The following PDE8B variants were observed in gnomAD, a reference collection of about 807,000 sequenced individuals.
PDE8B encodes phosphodiesterase 8B, also known as high affinity cAMP-specific and IBMX-insensitive 3',5'-cyclic phosphodiesterase 8B.
Under a neutral mutation model 101.3 loss-of-function variants are expected in PDE8B, and 26 were observed. The ratio of observed to expected loss-of-function variants is 0.26; its 90% CI spans 0.19 to 0.36. PDE8B has a LOEUF of 0.36. Among genes scored for constraint, PDE8B ranks in the 10% least tolerant of loss-of-function variants. PDE8B has a pLI of 1.00. For synonymous variants in PDE8B, 424 were observed against 429.3 expected (o/e 0.99, Z 0.15); for missense variants, 810 against 1,163.1 (o/e 0.70, Z 4.42).
chr5:77,348,882 G>C (rs140187784), intron 7 of PDE8B, among the ~76,000 whole-genome samples: 3 of 152,136 alleles, frequency 2.0e-5, no homozygotes, highest in African/African-American at 7.2e-5. Flanking sequence ...GAGTCTAGCT[G>C]TGTTTTCCAG....
chr5:77,164,798 C>T, the PDE8B span, among the ~76,000 whole-genome samples: 1 of 152,236 alleles, frequency 6.6e-6, no homozygotes, highest in Non-Finnish European at 1.5e-5. Flanking sequence ...AGGGACACAG[C>T]AGGAGTGACT....
the PDE8B span, chr5:77,139,125 G>C: frequency 1.3e-5 from 2 of 152,372 alleles, no homozygotes; most frequent in Admixed American, 6.5e-5. Flanking sequence ...AGCACATTAA[G>C]TTAGAACACA....
chr5:77,130,316 A>G, the PDE8B span, among the ~76,000 whole-genome samples: 2 of 152,176 alleles, frequency 1.3e-5, no homozygotes, highest in Non-Finnish European at 1.5e-5. Flanking sequence ...AGCTTATTAT[A>G]AGGTTAGATT....
At chr5:77,272,629 T>C (rs922300772) in intron 1 of PDE8B, among the ~76,000 whole-genome samples, 1 of 152,194 alleles carries the variant, frequency 6.6e-6, no homozygotes, top group Non-Finnish European at 1.5e-5. Context: ...CTGTGGCTGG[T>C]ATGTGATCTT....
At chr5:77,371,033 A>G (rs577906850) in intron 10 of PDE8B, among the ~76,000 whole-genome samples, 4 of 152,228 alleles carry the variant, frequency 2.6e-5, no homozygotes, top group Non-Finnish European at 5.9e-5. Flanking sequence ...CCTGATGAAT[A>G]CATCAGTCTA....
chr5:77,233,869 C>T (rs1754150981), intron 1 of PDE8B, among the ~76,000 whole-genome samples: 1 of 151,204 alleles, frequency 6.6e-6, no homozygotes, highest in South Asian at 2.1e-4. Flanking sequence ...ATAATGGAAG[C>T]GAGTCAATTT....
At chr5:77,127,537 C>G in the PDE8B span, among the ~76,000 whole-genome samples, 1 of 152,102 alleles carries the variant, frequency 6.6e-6, no homozygotes, top group Admixed American at 6.6e-5. Context: ...TGAGAACAGT[C>G]TAATACCCCA....
chr5:77,354,237 G>A (rs1033407941), intron 10 of PDE8B, among the ~76,000 whole-genome samples: 1 of 152,172 alleles, frequency 6.6e-6, no homozygotes, highest in African/African-American at 2.4e-5. Context: ...CCAGCAGGAC[G>A]TGAGTAGACA....
intron 1 of PDE8B, among the ~76,000 whole-genome samples, chr5:77,290,102 C>G (rs533632003): frequency 5.4e-4 from 83 of 152,324 alleles, no homozygotes; most frequent in African/African-American, 1.9e-3. Context: ...GGCATCTGTC[C>G]TCTCCAAGGG....
the PDE8B span, among the ~76,000 whole-genome samples, chr5:77,091,617 G>A: frequency 0.014 from 2,123 of 152,116 alleles, 42 homozygotes; most frequent in African/African-American, 0.047. Flanking sequence ...CTCCAGACTG[G>A]GCGACAGAGT....
intron 13 of PDE8B, among the ~76,000 whole-genome samples, chr5:77,407,736 G>C (rs565198053): frequency 1.3e-5 from 2 of 152,176 alleles, no homozygotes; most frequent in Non-Finnish European, 2.9e-5. Context: ...AGCAAGTCTT[G>C]AAGCATAAGA....
chr5:77,407,998 A>G (rs1393163318), intron 13 of PDE8B, among the ~76,000 whole-genome samples: 4 of 152,156 alleles, frequency 2.6e-5, no homozygotes, highest in Admixed American at 2.0e-4. Context: ...GAAGAGTTTC[A>G]GGTGTGGGGT....
the PDE8B span, among the ~76,000 whole-genome samples, chr5:77,200,367 T>C: frequency 6.6e-6 from 1 of 152,226 alleles, no homozygotes; most frequent in African/African-American, 2.4e-5. Context: ...GGTGTGTATT[T>C]AAACATTAAG....
intron 19 of PDE8B, among the ~76,000 whole-genome samples, chr5:77,420,819 C>T (rs1318698035): frequency 6.6e-6 from 1 of 152,196 alleles, no homozygotes; most frequent in Non-Finnish European, 1.5e-5. Flanking sequence ...GCCCCCACCT[C>T]TGCACTGCAA....
intron 14 of PDE8B, 64 bp from the exon 15 acceptor site, chr5:77,411,612 A>T: frequency 1.5e-6 from 2 of 1,307,216 alleles, no homozygotes; most frequent in East Asian, 2.4e-5. Context: ...ACTAATAATA[A>T]AAAAAAAAAG....
At chr5:77,297,079 C>T (rs908315586) in intron 1 of PDE8B, among the ~76,000 whole-genome samples, 1 of 152,184 alleles carries the variant, frequency 6.6e-6, no homozygotes, top group Non-Finnish European at 1.5e-5. Flanking sequence ...TGTGTCATCT[C>T]ATGGAGAAGG....
At chr5:77,278,772 T>C (rs544204868) in intron 1 of PDE8B, among the ~76,000 whole-genome samples, 13 of 152,306 alleles carry the variant, frequency 8.5e-5, no homozygotes, top group African/African-American at 3.1e-4. Flanking sequence ...GATACCTTTT[T>C]TCAAGTTTTT....
intron 1 of PDE8B, among the ~76,000 whole-genome samples, chr5:77,299,324 A>G (rs2150021214): frequency 6.6e-6 from 1 of 151,960 alleles, no homozygotes; most frequent in South Asian, 2.1e-4. Flanking sequence ...CACAATGTGC[A>G]GGTTTGTTAC....
intron 1 of PDE8B, chr5:77,291,623 T>G: frequency 6.3e-7 from 1 of 1,597,424 alleles, no homozygotes; most frequent in Non-Finnish European, 8.6e-7. Flanking sequence ...ACTGTGGCAC[T>G]GTAAATGTCA....
Sources: allele counts gnomAD v4.1 joint callset (sites outside exome capture counted in the v4.1 genomes callset), GRCh38; gene constraint gnomAD v4.1.1; transcripts MANE v1.5; gene names NCBI Gene and HGNC (gene_info 2026-07-23, HGNC 2026-07-21).